TNIK: variants seen among roughly 807,000 people sequenced by gnomAD.
The protein encoded by TNIK is TRAF2 and NCK interacting kinase.
A neutral mutation model predicts 191.3 loss-of-function variants in TNIK; 49 were observed. The ratio of observed to expected loss-of-function variants is 0.26; its 90% CI spans 0.20 to 0.32. The LOEUF (loss-of-function observed/expected upper bound fraction) is 0.32. TNIK is among the 10% of genes least tolerant of loss of function. The pLI is 1.00. For missense variants in TNIK, 1,155 were observed against 1,702.3 expected (o/e 0.68, Z 5.66); for synonymous variants, 594 against 600.9 (o/e 0.99, Z 0.17).
chr3:171,325,362 G>C (rs1163570218), intron 2 of TNIK, among the ~76,000 whole-genome samples: 5 of 152,098 alleles, frequency 3.3e-5, no homozygotes, highest in Admixed American at 2.6e-4. Flanking sequence ...CATCTGAGTA[G>C]CCTCCAAATA....
intron 2 of TNIK, among the ~76,000 whole-genome samples, chr3:171,289,512 C>G (rs1333457207): frequency 1.3e-5 from 2 of 152,216 alleles, no homozygotes; most frequent in East Asian, 1.9e-4. Context: ...TATCCTCTCA[C>G]TATCCTGACT....
At chr3:171,168,099 C>T (rs552050987) in intron 9 of TNIK, among the ~76,000 whole-genome samples, 7 of 152,262 alleles carry the variant, frequency 4.6e-5, no homozygotes, top group South Asian at 2.1e-4. Context: ...ACCATACCTA[C>T]GATTATGGCA....
intron 5 of TNIK, among the ~76,000 whole-genome samples, chr3:171,192,166 T>C (rs1410611431): frequency 1.3e-5 from 2 of 152,240 alleles, no homozygotes; most frequent in African/African-American, 4.8e-5. Context: ...TTTGAGGCAC[T>C]GGTTTAGGTC....
At chr3:171,383,146 G>A (rs975538508) in intron 1 of TNIK, among the ~76,000 whole-genome samples, 2 of 152,158 alleles carry the variant, frequency 1.3e-5, no homozygotes, top group Admixed American at 6.5e-5. Context: ...TCTGAAGGCA[G>A]CTCCCAGAAA....
intron 2 of TNIK, chr3:171,347,298 T>G: frequency 6.9e-7 from 1 of 1,442,032 alleles, no homozygotes; most frequent in Non-Finnish European, 9.3e-7. Flanking sequence ...CTCTCTTCTC[T>G]TTGACAGCCA....
At chr3:171,257,447 G>A (rs759336468) in intron 2 of TNIK, among the ~76,000 whole-genome samples, 1 of 152,072 alleles carries the variant, frequency 6.6e-6, no homozygotes, top group Non-Finnish European at 1.5e-5. Flanking sequence ...ATAGGAACTG[G>A]GACAGAGTCT....
In TNIK at chr3:171,106,070, G is replaced by A. The variant is rs561700973; in HGVS notation, c.2406+1113C>T. Among the ~76,000 whole-genome samples the A allele has an allele frequency of 6.3e-4, 96 of 152,114 alleles. 1 individual carries two copies. Among genetic ancestry groups the A allele is most frequent in the African/African-American group, 2.0e-3 (84 of 41,498 alleles). On this transcript the variant is annotated intron_variant, in intron 21 of 32. Coordinates refer to ENST00000436636, the MANE Select transcript of TNIK (RefSeq NM_015028.4). ...CTTCAACTATGATCATAACTGTCTC[G>A]TCACTCTGGGTGGTGAGGTGGCCAT...
intron 1 of TNIK, among the ~76,000 whole-genome samples, chr3:171,409,307 C>T (rs1405131657): frequency 6.6e-6 from 1 of 152,116 alleles, no homozygotes; most frequent in Admixed American, 6.5e-5. Context: ...TGGGGTGAAA[C>T]TTGCCTAACA....
intron 3 of TNIK, among the ~76,000 whole-genome samples, chr3:171,220,271 TTAGGAGAAACA>T (rs1742136059): frequency 6.6e-6 from 1 of 151,856 alleles, no homozygotes; most frequent in African/African-American, 2.4e-5. Context: ...AGGGAGAGCA[TTAGGAGAAACA>T]CCTAATGTAG....
chr3:171,425,117 A>T (rs1724386311), intron 1 of TNIK, among the ~76,000 whole-genome samples: 1 of 152,210 alleles, frequency 6.6e-6, no homozygotes, highest in African/African-American at 2.4e-5. Context: ...ATGCACTCCC[A>T]TTCAATTTAT....
intron 7 of TNIK, among the ~76,000 whole-genome samples, chr3:171,183,620 T>C (rs1736956962): frequency 6.6e-6 from 1 of 151,954 alleles, no homozygotes; most frequent in African/African-American, 2.4e-5. Flanking sequence ...CTGTTGCCTT[T>C]TAGGGGTAAA....
At chr3:171,386,225 G>A (rs545236705) in intron 1 of TNIK, among the ~76,000 whole-genome samples, 24 of 152,232 alleles carry the variant, frequency 1.6e-4, no homozygotes, top group Admixed American at 7.2e-4. Context: ...TAAATAACTC[G>A]GAGAGAGATG....
intron 1 of TNIK, among the ~76,000 whole-genome samples, chr3:171,393,656 T>C (rs185053854): frequency 1.1e-4 from 16 of 152,342 alleles, no homozygotes; most frequent in Admixed American, 3.9e-4. Flanking sequence ...TTCTCCAAAA[T>C]TCTTGCTATC....
At chr3:171,333,584 G>A (rs77237249) in intron 2 of TNIK, among the ~76,000 whole-genome samples, 3,040 of 112,646 alleles carry the variant, frequency 0.027, no homozygotes, top group Non-Finnish European at 0.035. Flanking sequence ...CAAAAAGAAA[G>A]AAAAAAAAAA....
intron 1 of TNIK, among the ~76,000 whole-genome samples, chr3:171,434,030 C>T (rs1408301918): frequency 6.7e-6 from 1 of 148,980 alleles, no homozygotes; most frequent in African/African-American, 2.5e-5. Context: ...GCTACAACCA[C>T]CACCTCCTGG....
intron 12 of TNIK, among the ~76,000 whole-genome samples, chr3:171,148,905 T>C (rs554771969): frequency 2.0e-5 from 3 of 152,264 alleles, no homozygotes; most frequent in African/African-American, 7.2e-5. Context: ...CAAGGAAAGA[T>C]TATATGTTAA....
At chr3:171,136,757 C>A (rs1240389505) in intron 15 of TNIK, among the ~76,000 whole-genome samples, 1 of 152,178 alleles carries the variant, frequency 6.6e-6, no homozygotes, top group Non-Finnish European at 1.5e-5. Context: ...GAAGGTGGTG[C>A]ATGCCTGCCA....
chr3:171,076,750 C>G (rs560870789), intron 28 of TNIK, among the ~76,000 whole-genome samples: 90 of 152,226 alleles, frequency 5.9e-4, no homozygotes, highest in African/African-American at 2.1e-3. Flanking sequence ...CAACCGCTTG[C>G]AACTCTTTCA....
intron 3 of TNIK, among the ~76,000 whole-genome samples, chr3:171,216,799 G>A (rs1367201309): frequency 6.6e-6 from 1 of 152,016 alleles, no homozygotes; most frequent in African/African-American, 2.4e-5. Flanking sequence ...AAATTAGATT[G>A]TAATAAATAA....
Sources: allele counts gnomAD v4.1 joint callset (sites outside exome capture counted in the v4.1 genomes callset), GRCh38; gene constraint gnomAD v4.1.1; transcripts MANE v1.5; gene names NCBI Gene and HGNC (gene_info 2026-07-23, HGNC 2026-07-21).